Variants in XXYLT1 observed in about 807,000 individuals in gnomAD.
XXYLT1 encodes the protein xyloside xylosyltransferase 1.
Under a neutral mutation model 28.9 loss-of-function variants are expected in XXYLT1, and 20 were observed. The observed-to-expected ratio is 0.69, with a 90% CI of 0.49 to 1.00. The LOEUF is 1.00. Among genes scored for constraint, XXYLT1 ranks in the 50% least tolerant of loss-of-function variants. The probability of loss-of-function intolerance (pLI) is 0.00; values close to 1 mark genes in which losing one functional copy is unlikely to be tolerated. For missense variants in XXYLT1, 542 were observed against 560.1 expected, an observed-to-expected ratio of 0.97 and a Z score of 0.33; for synonymous variants, 257 against 253.8, an observed-to-expected ratio of 1.01 and a Z score of -0.12.
intron 1 of XXYLT1, among the ~76,000 whole-genome samples, chr3:195,267,623 G>C (rs934072008): frequency 6.6e-6 from 1 of 152,204 alleles, no homozygotes; most frequent in Non-Finnish European, 1.5e-5. Flanking sequence ...CAATGTCAGT[G>C]CCCTTAAGGA....
At chr3:195,096,525 C>T (rs894902891) in intron 3 of XXYLT1, among the ~76,000 whole-genome samples, 1 of 152,208 alleles carries the variant, frequency 6.6e-6, no homozygotes, top group African/African-American at 2.4e-5. Context: ...CACACACACA[C>T]GCATACATTT....
intron 3 of XXYLT1, among the ~76,000 whole-genome samples, chr3:195,100,131 C>A (rs908447255): frequency 3.9e-5 from 6 of 152,160 alleles, no homozygotes; most frequent in African/African-American, 7.2e-5. Flanking sequence ...GCACCTGAAA[C>A]CAATCTCCCC....
chr3:195,095,908 CCCTGTTT>C (rs1716412656), intron 3 of XXYLT1: 2 of 152,202 alleles, frequency 1.3e-5, no homozygotes, highest in Admixed American at 1.3e-4. Flanking sequence ...TCTTTCCCTG[CCCTGTTT>C]CCAGCCCACA....
At chr3:195,185,124 AG>A (rs1239982480) in intron 2 of XXYLT1, among the ~76,000 whole-genome samples, 1 of 150,726 alleles carries the variant, frequency 6.6e-6, no homozygotes, top group Non-Finnish European at 1.5e-5. Flanking sequence ...GAAGGAAGGA[AG>A]GAAGGAAGGA....
intron 1 of XXYLT1, 42 bp downstream of exon 1, chr3:195,270,513 G>C (rs1017328379): frequency 8.4e-5 from 114 of 1,360,082 alleles, no homozygotes; most frequent in Non-Finnish European, 1.0e-4. Flanking sequence ...CCTAGGATGG[G>C]GTGGGCCACC....
intron 3 of XXYLT1, among the ~76,000 whole-genome samples, chr3:195,141,213 TAC>T (rs1346148011): frequency 3.3e-5 from 5 of 152,224 alleles, no homozygotes; most frequent in Non-Finnish European, 7.3e-5. Context: ...GATTCATCTA[TAC>T]AGTCAGGGCA....
intron 2 of XXYLT1, among the ~76,000 whole-genome samples, chr3:195,192,443 A>G (rs1172609974): frequency 6.6e-6 from 1 of 152,136 alleles, no homozygotes; most frequent in African/African-American, 2.4e-5. Context: ...AAAAAAAATT[A>G]AACAATTTAT....
chr3:195,264,803 A>T (rs974749661), intron 1 of XXYLT1, among the ~76,000 whole-genome samples: 1 of 152,168 alleles, frequency 6.6e-6, no homozygotes, highest in Non-Finnish European at 1.5e-5. Flanking sequence ...GTTGGCTCAC[A>T]ACTGCAGTCC....
At position 195,117,229 on chromosome 3, in the gene XXYLT1, G is replaced by A. The variant is rs762660076; in HGVS notation, c.785+39220C>T. ...CTCGGAAGGACACATACACACACGC[G>A]TCCATATGTACAAATGAGAATGTTT... is the stretch of plus-strand genomic sequence containing the variant. On this transcript the variant is annotated intron_variant, in intron 3 of 3. Transcript: ENST00000310380. 8.6e-5 allele frequency among the ~76,000 whole-genome samples: 13 copies of A among 151,910 alleles called. 1 individual carries two copies. Among genetic ancestry groups the A allele is most frequent in the Middle Eastern group, 6.8e-3 (2 of 294 alleles).
At chr3:195,103,150 G>C (rs78863573) in intron 3 of XXYLT1, among the ~76,000 whole-genome samples, 5,178 of 152,304 alleles carry the variant, frequency 0.034, 117 homozygotes, top group Middle Eastern at 0.11. Context: ...GCTGTGGGGG[G>C]CAGATAAAAG....
At chr3:195,146,981 A>T (rs1474087766) in intron 3 of XXYLT1, 1 of 153,748 alleles carries the variant, frequency 6.5e-6, no homozygotes, top group Admixed American at 6.5e-5. Flanking sequence ...CTGGAACTAC[A>T]GGTGCAGGCT....
chr3:195,196,964 C>T (rs749457716), intron 2 of XXYLT1, among the ~76,000 whole-genome samples: 2 of 152,166 alleles, frequency 1.3e-5, no homozygotes, highest in African/African-American at 4.8e-5. Context: ...TTTTAAAACC[C>T]GGTGTTGTCA....
At chr3:195,119,449 C>G (rs1052819042) in intron 3 of XXYLT1, among the ~76,000 whole-genome samples, 1 of 152,086 alleles carries the variant, frequency 6.6e-6, no homozygotes, top group African/African-American at 2.4e-5. Context: ...AGTAAGGGAC[C>G]TGGGTAGCTG....
intron 3 of XXYLT1, among the ~76,000 whole-genome samples, chr3:195,081,890 T>C (rs1198226748): frequency 6.6e-6 from 1 of 152,142 alleles, no homozygotes; most frequent in Non-Finnish European, 1.5e-5. Context: ...TCACTTCCCC[T>C]GCTGGGCGCT....
intron 2 of XXYLT1, among the ~76,000 whole-genome samples, chr3:195,177,464 G>A (rs1721725921): frequency 6.6e-6 from 1 of 152,176 alleles, no homozygotes; most frequent in South Asian, 2.1e-4. Flanking sequence ...CAGAGACACA[G>A]AATGGCAAAC....
At chr3:195,073,383 T>C (rs1258056545) in intron 3 of XXYLT1, among the ~76,000 whole-genome samples, 1 of 152,202 alleles carries the variant, frequency 6.6e-6, no homozygotes, top group East Asian at 1.9e-4. Flanking sequence ...TCAGGGGCAC[T>C]GTCTGTGGCA....
At chr3:195,138,857 GAAAAAAAA>G (rs552573280) in intron 3 of XXYLT1, among the ~76,000 whole-genome samples, 10 of 84,166 alleles carry the variant, frequency 1.2e-4, no homozygotes, top group South Asian at 4.0e-4. Context: ...TCTGCCTCAG[GAAAAAAAA>G]AAAAAAAAAA....
intron 2 of XXYLT1, among the ~76,000 whole-genome samples, chr3:195,211,878 TGGA>T (rs1292174512): frequency 1.6e-5 from 2 of 124,086 alleles, no homozygotes; most frequent in African/African-American, 3.2e-5. Context: ...CAGGAAGATC[TGGA>T]GGAGGAGAGG....
chr3:195,174,992 G>T (rs1721591056), intron 2 of XXYLT1, among the ~76,000 whole-genome samples: 2 of 152,124 alleles, frequency 1.3e-5, no homozygotes, highest in Non-Finnish European at 2.9e-5. Flanking sequence ...GGCTTGGATT[G>T]TCCCTTAGTA....
Sources: allele counts gnomAD v4.1 joint callset (sites outside exome capture counted in the v4.1 genomes callset), GRCh38; gene constraint gnomAD v4.1.1; transcripts MANE v1.5; gene names NCBI Gene and HGNC (gene_info 2026-07-23, HGNC 2026-07-21).